Variants in SRSF1 observed in about 807,000 individuals in gnomAD.
The protein encoded by SRSF1 is serine/arginine-rich splicing factor 1.
In SRSF1, 1 loss-of-function variant was observed where a neutral mutation model predicts 25.9. That is an observed-to-expected ratio of 0.04 (90% CI 0.01 to 0.18). The LOEUF is 0.18. Ranked by LOEUF, SRSF1 falls within the 10% of genes least tolerant of loss-of-function variation. The pLI is 1.00. For missense variants in SRSF1, 65 were observed against 350.5 expected (o/e 0.19, Z 6.50); for synonymous variants, 132 against 126.2 (o/e 1.05, Z -0.31).
At position 58,007,147 on chromosome 17, in the gene SRSF1, G is replaced by C. The variant is rs1249121107; in HGVS notation, c.-10C>G. ...CACCACCTCCCGACATGGCGGTGAC[G>C]AAAAGCGCGGACTCGAGAACAGGCC... On this transcript the variant is annotated 5_prime_UTR_variant, in exon 1 of 4. Coordinates refer to ENST00000258962, the MANE Select transcript of SRSF1 (RefSeq NM_006924.5). 1.2e-6 allele frequency: 2 copies of C among 1,613,458 alleles called. No individual in the cohort carries two copies. Among genetic ancestry groups the C allele is most frequent in the South Asian group, 2.2e-5 (2 of 91,078 alleles).
intron 2 of SRSF1, 133 bp downstream of exon 2, chr17:58,006,210 T>C: frequency 1.6e-6 from 2 of 1,214,754 alleles, no homozygotes; most frequent in Non-Finnish European, 1.1e-6. Flanking sequence ...CCTCGTTTAT[T>C]AAATTCACCC....
At chr17:57,989,962 T>C in the SRSF1 span, 3 of 387,134 alleles carry the variant, frequency 7.7e-6, no homozygotes, top group Non-Finnish European at 1.4e-5. Flanking sequence ...GGAATTCTTC[T>C]TATTTTCATT....
the SRSF1 span, among the ~76,000 whole-genome samples, chr17:57,995,747 C>G: frequency 1.3e-5 from 2 of 152,036 alleles, no homozygotes; most frequent in Non-Finnish European, 2.9e-5. Flanking sequence ...TTTCTCACCA[C>G]AAGATCTGGA....
the SRSF1 span, chr17:57,994,204 TTAC>T: frequency 6.6e-6 from 1 of 152,244 alleles, no homozygotes; most frequent in African/African-American, 2.4e-5. Flanking sequence ...CTGATAACTT[TTAC>T]TACTACAGTA....
downstream of SRSF1, among the ~76,000 whole-genome samples, chr17:57,998,781 C>A (rs939254075): frequency 6.6e-6 from 1 of 152,176 alleles, no homozygotes. Context: ...CTTTTCCCCC[C>A]ACAAGAAGTC....
rs921030422 is a variant in SRSF1, at chr17:58,003,457, G to A, written c.*1949C>T. 1.3e-5 allele frequency: 2 copies of A among 152,182 alleles called. No homozygotes were observed. Among genetic ancestry groups the A allele is most frequent in the African/African-American group, 4.8e-5 (2 of 41,452 alleles). 9.4% of individuals were successfully genotyped at this position (152,182 alleles called of 1,614,324 possible). A position where few individuals can be genotyped will look rare whatever the true frequency, so the allele number is the denominator to read the frequency against. Reference sequence around the variant, plus strand: ...AAAGATTAACTGATAGACCCAGTTAGAATCTTACATGAAGAGGAAAAAGGA... The same window carrying A: ...AAAGATTAACTGATAGACCCAGTTAAAATCTTACATGAAGAGGAAAAAGGA... On this transcript the variant is annotated 3_prime_UTR_variant, in exon 4 of 4. Transcript: ENST00000258962.
At chr17:57,993,609 C>G in the SRSF1 span, 1 of 152,284 alleles carries the variant, frequency 6.6e-6, no homozygotes, top group African/African-American at 2.4e-5. Flanking sequence ...TGAGTAGTGG[C>G]AGAAAGCTCT....
chr17:58,007,066 A>T lies in SRSF1; in HGVS notation c.72T>A (p.Pro24=), dbSNP rs911419716. The change falls in exon 1 of 4, where the codon CCT becomes CCA. Residue 24 remains proline, a synonymous_variant. Transcript: ENST00000258962. ...NDCRIYVGNL[P]PDIRTKDIED... Reference sequence around the variant, plus strand: ...CAATGTCCTTGGTTCGGATGTCTGGAGGTAAGTTACCCACGTAGATGCGGC... The same window carrying T: ...CAATGTCCTTGGTTCGGATGTCTGGTGGTAAGTTACCCACGTAGATGCGGC... The T allele has an allele frequency of 6.2e-7, 1 of 1,614,154 alleles. No homozygotes were observed. The highest frequency in any genetic ancestry group is 8.5e-7 in the Non-Finnish European group (1 of 1,180,028).
chr17:58,006,771 G>T (rs1238551883), intron 1 of SRSF1, 173 bp downstream of exon 1: 2 of 924,144 alleles, frequency 2.2e-6, no homozygotes, highest in Admixed American at 5.6e-5. Flanking sequence ...AAGGCGAGGC[G>T]CCAGAGAAGC....
In SRSF1 at chr17:58,001,729, A is replaced by G. The variant is rs934541835; in HGVS notation, c.*3677T>C. Among the ~76,000 whole-genome samples, 1 of 152,212 alleles carries G rather than the reference A, an allele frequency of 6.6e-6. No homozygotes were observed. The highest frequency in any genetic ancestry group is 1.9e-4 in the East Asian group (1 of 5,204). On this transcript the variant is annotated 3_prime_UTR_variant, in exon 4 of 4. Transcript: ENST00000258962. Reference sequence around the variant, plus strand: ...TAATTGCCAATACGGATAGAGACCTAAAGGTCCATTTTCTGAGACTATAAA... The same window carrying G: ...TAATTGCCAATACGGATAGAGACCTGAAGGTCCATTTTCTGAGACTATAAA...
chr17:57,991,073 G>C, the SRSF1 span: 2 of 152,216 alleles, frequency 1.3e-5, no homozygotes, highest in East Asian at 3.8e-4. Context: ...TTGGAACTCT[G>C]CACATAAGCT....
rs2075415792 is a variant in SRSF1, at chr17:58,004,766, A to G, written c.*640T>C. The G allele has an allele frequency of 1.8e-5, 7 of 390,206 alleles. No individual in the cohort carries two copies. In the Admixed American group the frequency reaches 2.7e-4, roughly 15 times the overall value. The allele number at this position is 390,206 out of a possible 1,614,324, so 24.2% of individuals were successfully genotyped here. On this transcript the variant is annotated 3_prime_UTR_variant, in exon 4 of 4. Coordinates refer to ENST00000258962, the MANE Select transcript of SRSF1 (RefSeq NM_006924.5). ...GCAATATAATTTTGCCACAATTGCCAAGGTTTAAAAAGCAAAGCAATTGTA... is the reference window on the plus strand; with the variant it reads ...GCAATATAATTTTGCCACAATTGCCGAGGTTTAAAAAGCAAAGCAATTGTA...
chr17:57,991,577 T>G, the SRSF1 span: 2 of 151,928 alleles, frequency 1.3e-5, no homozygotes, highest in Admixed American at 1.3e-4. Context: ...CAGAAAGAAA[T>G]AACCCTTCCA....
chr17:57,997,991 G>A (rs575189692), downstream of SRSF1, among the ~76,000 whole-genome samples: 8 of 152,234 alleles, frequency 5.3e-5, no homozygotes, highest in East Asian at 1.5e-3. Context: ...GAGGCGGGCG[G>A]ATCACTTGAG....
In SRSF1 at chr17:58,003,068, T is replaced by C. The variant is rs2075403337; in HGVS notation, c.*2338A>G. 6.6e-6 allele frequency among the ~76,000 whole-genome samples: 1 copy of C among 152,196 alleles called. No homozygotes were observed. The highest frequency in any genetic ancestry group is 2.4e-5 in the African/African-American group (1 of 41,448). The stretch of plus-strand genomic sequence containing the variant: ...CTGATGTTAACATTTAATACTTACC[T>C]TTTTTTGAGATGAGTTTCATTGAGA... On this transcript the variant is annotated 3_prime_UTR_variant, in exon 4 of 4. Coordinates refer to ENST00000258962, the MANE Select transcript of SRSF1 (RefSeq NM_006924.5).
chr17:57,991,170 G>A, the SRSF1 span: 8 of 152,140 alleles, frequency 5.3e-5, no homozygotes, highest in East Asian at 1.9e-4. Context: ...TAAGGTAAAC[G>A]GGCAAAGGGC....
chr17:58,006,762 A>G, intron 1 of SRSF1, 182 bp downstream of exon 1: 2 of 908,482 alleles, frequency 2.2e-6, no homozygotes, highest in South Asian at 3.5e-5. Flanking sequence ...GGGACGTCCA[A>G]GGCGAGGCGC....
downstream of SRSF1, among the ~76,000 whole-genome samples, chr17:57,995,968 C>T (rs564415538): frequency 2.0e-5 from 3 of 152,126 alleles, no homozygotes; most frequent in Non-Finnish European, 4.4e-5. Flanking sequence ...GAGCAAGACC[C>T]TGTCTCTACA....
Position 58,005,366 on chromosome 17 carries a change from G to A in SRSF1, c.*40C>T. 1 of 1,603,578 alleles carries A rather than the reference G, an allele frequency of 6.2e-7. No homozygotes were observed. Among genetic ancestry groups the A allele is most frequent in the Non-Finnish European group, 8.5e-7 (1 of 1,171,224 alleles). On this transcript the variant is annotated 3_prime_UTR_variant, in exon 4 of 4. Coordinates refer to ENST00000258962, the MANE Select transcript of SRSF1 (RefSeq NM_006924.5). This position sits in a 1 kb window ranked among gnomAD's most constrained non-coding sequence, Gnocchi z 5.2. Reference sequence around the variant, plus strand: ...AGATTGTACTGAATAAAGGAAAACTGTATACAACATGGGTTCTACAAAAAG... The same window carrying A: ...AGATTGTACTGAATAAAGGAAAACTATATACAACATGGGTTCTACAAAAAG...
Sources: gnomAD v4.1 joint callset for allele counts (sites outside exome capture counted in the v4.1 genomes callset) on GRCh38, gnomAD v4.1.1 for gene constraint, Gnocchi (gnomAD v3.1) non-coding constraint, MANE v1.5 for transcripts, NCBI Gene and HGNC (gene_info 2026-07-23, HGNC 2026-07-21) for gene names.